Variants in DOP1B observed in about 807,000 individuals in gnomAD.
DOP1B encodes protein DOP1B.
DOP1B carries 174 observed loss-of-function variants against 233.5 expected under a neutral mutation model. The observed-to-expected ratio is 0.75, with a 90% CI of 0.66 to 0.85. The LOEUF is 0.85. Ranked by LOEUF, DOP1B falls within the 40% of genes least tolerant of loss-of-function variation. The pLI is 0.00. For missense variants in DOP1B, 2,652 were observed against 2,846.6 expected (o/e 0.93, Z 1.56); for synonymous variants, 1,190 against 1,185.6 (o/e 1.00, Z -0.08).
chr21:36,237,475 T>G, intron 16 of DOP1B, 61 bp downstream of exon 16: 1 of 1,592,870 alleles, frequency 6.3e-7, no homozygotes, highest in Non-Finnish European at 8.6e-7. Flanking sequence ...GTACGTGCCC[T>G]TAGCCAACTG....
chr21:36,194,857 G>A (rs1442047584), intron 2 of DOP1B, among the ~76,000 whole-genome samples: 30 of 152,050 alleles, frequency 2.0e-4, no homozygotes, highest in Non-Finnish European at 4.4e-5. Flanking sequence ...TTTGCCTTTA[G>A]TGCACCTTTT....
intron 2 of DOP1B, among the ~76,000 whole-genome samples, chr21:36,179,910 G>C (rs2066076572): frequency 6.6e-6 from 1 of 152,164 alleles, no homozygotes; most frequent in Non-Finnish European, 1.5e-5. Flanking sequence ...TGGAGTAGCT[G>C]GGTCAGTGGA....
chr21:36,253,721 T>C (rs770643212), intron 22 of DOP1B, 51 bp from the exon 23 acceptor site: 23 of 1,585,718 alleles, frequency 1.5e-5, no homozygotes, highest in African/African-American at 4.1e-5. Flanking sequence ...GTCATCCTTA[T>C]TTTTACTTTC....
At chr21:36,222,889 T>C (rs1178293834) in intron 10 of DOP1B, among the ~76,000 whole-genome samples, 3 of 151,942 alleles carry the variant, frequency 2.0e-5, no homozygotes, top group Non-Finnish European at 4.4e-5. Context: ...GTATCCGCCA[T>C]CATGCCCTGC....
chr21:36,290,575 G>A (rs2067544176), intron 35 of DOP1B, among the ~76,000 whole-genome samples: 1 of 152,116 alleles, frequency 6.6e-6, no homozygotes, highest in Non-Finnish European at 1.5e-5. Flanking sequence ...AAGGTGGTTG[G>A]ATCACCTGAG....
At chr21:36,183,166 C>T (rs2284629) in intron 2 of DOP1B, among the ~76,000 whole-genome samples, 21,393 of 152,102 alleles carry the variant, frequency 0.14, 1,820 homozygotes, top group South Asian at 0.21. Context: ...CACAGGTGCG[C>T]GCCACTGTGC....
intron 1 of DOP1B, among the ~76,000 whole-genome samples, chr21:36,162,024 A>T (rs1601369180): frequency 6.6e-6 from 1 of 152,198 alleles, no homozygotes; most frequent in Non-Finnish European, 1.5e-5. Flanking sequence ...AGGCTGCTCC[A>T]ATAAAATAGT....
At chr21:36,261,749 A>G (rs1315047791) in intron 24 of DOP1B, 7 of 769,980 alleles carry the variant, frequency 9.1e-6, no homozygotes, top group Non-Finnish European at 7.9e-6. Flanking sequence ...GTCTACTAAA[A>G]CTACAAAAAA....
rs560945484 is a variant in DOP1B at position 36,225,959 on chromosome 21, A to G, written c.1473+292A>G. Among the ~76,000 whole-genome samples the G allele has an allele frequency of 2.0e-5, 3 of 152,348 alleles. No homozygotes were observed. In the South Asian group the frequency reaches 6.2e-4, roughly 32 times the overall value. On this transcript the variant is annotated intron_variant, in intron 12 of 36. Coordinates refer to ENST00000691173, the MANE Select transcript of DOP1B (RefSeq NM_001320714.2). Reference sequence around the variant, plus strand: ...TTCCCGTACTACAGTTACTTTAGGGAAAGAGTCAATACATTTCCTAGTTAA... The same window carrying G: ...TTCCCGTACTACAGTTACTTTAGGGGAAGAGTCAATACATTTCCTAGTTAA...
At chr21:36,285,774 T>A (rs113779114) in intron 32 of DOP1B, among the ~76,000 whole-genome samples, 69,944 of 151,846 alleles carry the variant, frequency 0.46, 16,540 homozygotes, top group African/African-American at 0.56. Context: ...TGGGAGGCTG[T>A]GGTGGGCAGG....
chr21:36,171,386 C>T (rs1282445072), intron 2 of DOP1B, among the ~76,000 whole-genome samples: 2 of 152,120 alleles, frequency 1.3e-5, no homozygotes, highest in African/African-American at 2.4e-5. Context: ...TTTTGGCCTC[C>T]GTGAAAGAAA....
intron 27 of DOP1B, 94 bp downstream of exon 27, chr21:36,270,251 G>C (rs2067272014): frequency 9.1e-6 from 13 of 1,421,200 alleles, no homozygotes; most frequent in African/African-American, 4.3e-5. Flanking sequence ...ACCACAAAAA[G>C]AAAGAAAGTA....
At chr21:36,163,235 T>C (rs1020217974) in intron 1 of DOP1B, among the ~76,000 whole-genome samples, 4 of 150,974 alleles carry the variant, frequency 2.6e-5, no homozygotes, top group African/African-American at 9.7e-5. Flanking sequence ...CCCCAGCTAT[T>C]TGGGAGGCTG....
intron 15 of DOP1B, among the ~76,000 whole-genome samples, chr21:36,234,738 A>G (rs2066807093): frequency 6.6e-6 from 1 of 151,950 alleles, no homozygotes; most frequent in African/African-American, 2.4e-5. Flanking sequence ...ACGGGGTTTT[A>G]CCATATTGGC....
At chr21:36,218,769 A>G (rs2066590474) in intron 9 of DOP1B, among the ~76,000 whole-genome samples, 1 of 152,196 alleles carries the variant, frequency 6.6e-6, no homozygotes, top group Non-Finnish European at 1.5e-5. Flanking sequence ...GCGGAGCAGC[A>G]ATGCCCTGCC....
intron 9 of DOP1B, among the ~76,000 whole-genome samples, chr21:36,216,934 G>A (rs1298926920): frequency 6.6e-6 from 1 of 152,102 alleles, no homozygotes; most frequent in Non-Finnish European, 1.5e-5. Flanking sequence ...AATTATCCAG[G>A]CATGGTTGTG....
intron 23 of DOP1B, among the ~76,000 whole-genome samples, chr21:36,257,775 TGTAG>T (rs151153511): frequency 0.095 from 12,255 of 129,090 alleles, 953 homozygotes; most frequent in African/African-American, 0.23. Flanking sequence ...GGTAGAGAGA[TGTAG>T]GTAGGTAGGT....
At chr21:36,235,219 G>C (rs759825790) in intron 15 of DOP1B, among the ~76,000 whole-genome samples, 4 of 152,184 alleles carry the variant, frequency 2.6e-5, no homozygotes, top group African/African-American at 4.8e-5. Flanking sequence ...CCAATTCTCA[G>C]ACTCCAGACA....
At chr21:36,237,233 C>T (rs535214704) in intron 15 of DOP1B, 29 bp from the exon 16 acceptor site, 1 of 1,613,940 alleles carries the variant, frequency 6.2e-7, no homozygotes, top group African/African-American at 1.3e-5. Flanking sequence ...TGACCTGGTC[C>T]CCCACCGCCT....
Sources: allele counts gnomAD v4.1 joint callset (sites outside exome capture counted in the v4.1 genomes callset), GRCh38; gene constraint gnomAD v4.1.1; transcripts MANE v1.5; gene names NCBI Gene and HGNC (gene_info 2026-07-23, HGNC 2026-07-21).